The following STK32B variants were observed in gnomAD, a reference collection of about 807,000 sequenced individuals.
The protein encoded by STK32B is serine/threonine-protein kinase 32B.
In STK32B, 43 loss-of-function variants were observed where a neutral mutation model predicts 52.6. The ratio of observed to expected loss-of-function variants is 0.82; its 90% CI spans 0.64 to 1.05. STK32B has a LOEUF of 1.05. Among genes scored for constraint, STK32B ranks in the 50% least tolerant of loss-of-function variants. The probability of loss-of-function intolerance (pLI) is 0.00; values close to 1 mark genes in which losing one functional copy is unlikely to be tolerated. For synonymous variants in STK32B, 238 were observed against 204.3 expected, an observed-to-expected ratio of 1.17 and a Z score of -1.41; for missense variants, 621 against 534.6, an observed-to-expected ratio of 1.16 and a Z score of -1.59.
At chr4:5,428,356 C>G (rs1407005405) in intron 6 of STK32B, among the ~76,000 whole-genome samples, 2 of 151,796 alleles carry the variant, frequency 1.3e-5, no homozygotes, top group Non-Finnish European at 2.9e-5. Context: ...TGCAGTGAGC[C>G]GAGATAGCAC....
intron 3 of STK32B, among the ~76,000 whole-genome samples, chr4:5,243,269 A>C (rs1287562018): frequency 2.0e-5 from 3 of 152,136 alleles, no homozygotes; most frequent in Admixed American, 6.5e-5. Flanking sequence ...AGTGGTTTGT[A>C]GTTCTCCTTG....
chr4:5,337,545 G>C (rs369257730), intron 4 of STK32B, among the ~76,000 whole-genome samples: 2 of 152,162 alleles, frequency 1.3e-5, no homozygotes, highest in Non-Finnish European at 2.9e-5. Flanking sequence ...TGGGATATCA[G>C]TTGTGCCTCA....
chr4:5,042,903 G>A, the STK32B span, among the ~76,000 whole-genome samples: 1 of 151,394 alleles, frequency 6.6e-6, no homozygotes, highest in Non-Finnish European at 1.5e-5. Context: ...TCAGGAGATC[G>A]AGACCATCCT....
chr4:5,118,683 T>C (rs956501969), intron 1 of STK32B, among the ~76,000 whole-genome samples: 4 of 152,190 alleles, frequency 2.6e-5, no homozygotes, highest in African/African-American at 9.7e-5. Context: ...GTCCTACTTA[T>C]TTGCTCCTTT....
At chr4:5,492,005 G>A (rs997232060) in intron 11 of STK32B, among the ~76,000 whole-genome samples, 3 of 152,096 alleles carry the variant, frequency 2.0e-5, no homozygotes, top group African/African-American at 7.2e-5. Context: ...TTTGAAGTCA[G>A]GTAGCGTGAT....
chr4:5,230,178 CTTTT>C (rs752036100), intron 3 of STK32B, among the ~76,000 whole-genome samples: 42 of 71,120 alleles, frequency 5.9e-4, no homozygotes, highest in Admixed American at 3.8e-3. Flanking sequence ...CATGCATTCC[CTTTT>C]TTTTTTTTTT....
At chr4:5,389,076 G>A (rs1470811282) in intron 4 of STK32B, among the ~76,000 whole-genome samples, 2 of 152,238 alleles carry the variant, frequency 1.3e-5, no homozygotes, top group Admixed American at 1.3e-4. Flanking sequence ...AGAAGGAAAT[G>A]ATTTGAGTAG....
chr4:5,044,502 T>C, the STK32B span, among the ~76,000 whole-genome samples: 1 of 152,154 alleles, frequency 6.6e-6, no homozygotes, highest in African/African-American at 2.4e-5. Flanking sequence ...CCTGTCTTCA[T>C]CCTTCCAGTT....
At chr4:5,251,582 A>G (rs1391698357) in intron 3 of STK32B, among the ~76,000 whole-genome samples, 1 of 152,080 alleles carries the variant, frequency 6.6e-6, no homozygotes, top group Admixed American at 6.6e-5. Context: ...TTGGTTCCAT[A>G]TGAATTTTAT....
At chr4:5,042,848 T>G in the STK32B span, among the ~76,000 whole-genome samples, 2 of 152,032 alleles carry the variant, frequency 1.3e-5, no homozygotes, top group African/African-American at 4.8e-5. Flanking sequence ...GGCTCACGCC[T>G]GTAATCCCAG....
At chr4:5,475,040 A>G (rs1281231687) in intron 11 of STK32B, among the ~76,000 whole-genome samples, 1 of 152,146 alleles carries the variant, frequency 6.6e-6, no homozygotes, top group African/African-American at 2.4e-5. Flanking sequence ...CCAGAGATGA[A>G]GGTAGTCTAA....
chr4:5,272,348 A>T (rs1328594374), intron 3 of STK32B, among the ~76,000 whole-genome samples: 1 of 147,484 alleles, frequency 6.8e-6, no homozygotes, highest in Non-Finnish European at 1.5e-5. Flanking sequence ...CATCCCAGGG[A>T]TGAAGCCCAC....
At chr4:5,255,504 A>G (rs1318956697) in intron 3 of STK32B, among the ~76,000 whole-genome samples, 3 of 152,096 alleles carry the variant, frequency 2.0e-5, no homozygotes, top group Non-Finnish European at 4.4e-5. Flanking sequence ...TCTTACATAC[A>G]TATGCTTGTC....
chr4:5,047,533 T>C (rs960024992), upstream of STK32B, among the ~76,000 whole-genome samples: 2 of 152,226 alleles, frequency 1.3e-5, no homozygotes, highest in African/African-American at 4.8e-5. Context: ...CATCTCACAA[T>C]GTTTCTGACA....
chr4:5,262,989 C>T (rs554830159), intron 3 of STK32B, among the ~76,000 whole-genome samples: 1 of 152,218 alleles, frequency 6.6e-6, no homozygotes, highest in East Asian at 1.9e-4. Context: ...TGAAGCCTCC[C>T]CTGATCACCC....
intron 3 of STK32B, among the ~76,000 whole-genome samples, chr4:5,209,375 C>G (rs1300688717): frequency 3.3e-5 from 5 of 151,664 alleles, no homozygotes; most frequent in African/African-American, 1.2e-4. Context: ...GCATGTGCCA[C>G]CATGCCTGGC....
chr4:5,261,464 G>A (rs982585648), intron 3 of STK32B, among the ~76,000 whole-genome samples: 4 of 152,128 alleles, frequency 2.6e-5, no homozygotes, highest in Non-Finnish European at 5.9e-5. Context: ...TGTGGGTAAA[G>A]GAGAGTAATG....
chr4:5,203,615 G>C (rs768437127), intron 3 of STK32B, among the ~76,000 whole-genome samples: 2 of 152,168 alleles, frequency 1.3e-5, no homozygotes, highest in Non-Finnish European at 2.9e-5. Flanking sequence ...CTTTTACTCT[G>C]TTATGTCCTC....
intron 3 of STK32B, among the ~76,000 whole-genome samples, chr4:5,245,896 T>C (rs1725414237): frequency 6.6e-6 from 1 of 152,238 alleles, no homozygotes; most frequent in Non-Finnish European, 1.5e-5. Flanking sequence ...TGTTGAATAT[T>C]GGCCCCCACT....
Sources: allele counts gnomAD v4.1 joint callset (sites outside exome capture counted in the v4.1 genomes callset), GRCh38; gene constraint gnomAD v4.1.1; transcripts MANE v1.5; gene names NCBI Gene and HGNC (gene_info 2026-07-23, HGNC 2026-07-21).